Variants in SSBP2 observed in about 807,000 individuals in gnomAD.
The protein encoded by SSBP2 is single stranded DNA binding protein 2.
In SSBP2, 17 loss-of-function variants were observed where a neutral mutation model predicts 61.8. The observed-to-expected ratio is 0.28, with a 90% CI of 0.19 to 0.41. The LOEUF is 0.41. Ranked by LOEUF, SSBP2 falls within the 10% of genes least tolerant of loss-of-function variation. The pLI is 1.00. For synonymous variants in SSBP2, 139 were observed against 141.3 expected (o/e 0.98, Z 0.12); for missense variants, 310 against 458.7 (o/e 0.68, Z 2.96).
chr5:81,544,161 T>C (rs1390533369), intron 4 of SSBP2, among the ~76,000 whole-genome samples: 1 of 152,166 alleles, frequency 6.6e-6, no homozygotes, highest in East Asian at 1.9e-4. Flanking sequence ...GACATTCTCC[T>C]GCCTCAGCCT....
rs1761238050 is a variant in SSBP2, at chr5:81,414,570, T to C, written c.*5934A>G. ...AAGTTAATAATGCCAATTCAGTTTCTTGTAAACAAATGTCTGTATCAAACC... is the reference window on the plus strand; with the variant it reads ...AAGTTAATAATGCCAATTCAGTTTCCTGTAAACAAATGTCTGTATCAAACC... On this transcript the variant is annotated 3_prime_UTR_variant, in exon 17 of 17. Coordinates refer to ENST00000320672, the MANE Select transcript of SSBP2 (RefSeq NM_012446.5). 1 of 152,246 alleles carries C rather than the reference T, an allele frequency of 6.6e-6. No individual in the cohort carries two copies. Among genetic ancestry groups the C allele is most frequent in the African/African-American group, 2.4e-5 (1 of 41,464 alleles). The allele number at this position is 152,246 out of a possible 1,614,324, so 9.4% of individuals were successfully genotyped here.
rs1055589825 is a variant in SSBP2 at position 81,417,939 on chromosome 5, T to A, written c.*2565A>T. Reference sequence around the variant, plus strand: ...TTTAGGTTAGAAATAATGGGGATCATGATGCAATTCATATTCTCGTATTAC... The same window carrying A: ...TTTAGGTTAGAAATAATGGGGATCAAGATGCAATTCATATTCTCGTATTAC... On this transcript the variant is annotated 3_prime_UTR_variant, in exon 17 of 17. Coordinates refer to ENST00000320672, the MANE Select transcript of SSBP2 (RefSeq NM_012446.5). 1 of 152,046 alleles carries A rather than the reference T, an allele frequency of 6.6e-6. No homozygotes were observed. Among genetic ancestry groups the A allele is most frequent in the African/African-American group, 2.4e-5 (1 of 41,410 alleles). 9.4% of individuals were successfully genotyped at this position (152,046 alleles called of 1,614,324 possible).
At chr5:81,428,553 T>C (rs762871231) in intron 16 of SSBP2, 32 bp downstream of exon 16, 5 of 1,542,522 alleles carry the variant, frequency 3.2e-6, no homozygotes, top group African/African-American at 2.7e-5. Context: ...AGAAATAAAA[T>C]TTGAGTATAA....
At position 81,513,702 on chromosome 5, in the gene SSBP2, G is replaced by T; in HGVS notation, c.298C>A (p.Pro100Thr). 6.2e-7 allele frequency: 1 copy of T among 1,612,292 alleles called. No individual in the cohort carries two copies. The stretch of plus-strand genomic sequence containing the variant: ...GGAATGTTTCCTAGCACTGGACTGG[G>T]AGCTGCTGCAGCACTCTGCAAAGAA... The change falls in exon 5 of 17, where the codon CCC becomes ACC. Residue 100 changes from proline (P) to threonine (T), a missense_variant. This residue lies in a region of SSBP2 where 209 missense variants were observed against 286.4 expected (regional missense o/e 0.73). Coordinates refer to ENST00000320672, the MANE Select transcript of SSBP2 (RefSeq NM_012446.5).
chr5:81,539,995 T>G (rs1311835326), intron 4 of SSBP2, among the ~76,000 whole-genome samples: 7 of 152,150 alleles, frequency 4.6e-5, no homozygotes, highest in Non-Finnish European at 1.0e-4. Flanking sequence ...ATGCAGTGTT[T>G]GGTTTTCTTT....
intron 1 of SSBP2, among the ~76,000 whole-genome samples, chr5:81,710,299 T>C (rs930902048): frequency 1.3e-5 from 2 of 152,092 alleles, no homozygotes; most frequent in African/African-American, 4.8e-5. Context: ...GCAAAGGCAG[T>C]GTTTTCTGAT....
At chr5:81,444,016 T>C (rs1161655903) in intron 12 of SSBP2, among the ~76,000 whole-genome samples, 1 of 152,252 alleles carries the variant, frequency 6.6e-6, no homozygotes, top group African/African-American at 2.4e-5. Context: ...AATAAGTTTA[T>C]TATTTTAGTG....
In SSBP2 at chr5:81,751,044, C is replaced by G. The variant is rs778865989; in HGVS notation, c.-2G>C. On this transcript the variant is annotated 5_prime_UTR_variant, in exon 1 of 17. Coordinates refer to ENST00000320672, the MANE Select transcript of SSBP2 (RefSeq NM_012446.5). ...GTTACTCTTGCCTTTGCCGTACATG[C>G]TTGTGCCGAGAGCAGCTCCCACTGT... 17 of 1,593,292 alleles carry G rather than the reference C, an allele frequency of 1.1e-5. No individual in the cohort carries two copies. The highest frequency in any genetic ancestry group is 1.5e-5 in the Non-Finnish European group (17 of 1,169,992).
intron 1 of SSBP2, among the ~76,000 whole-genome samples, chr5:81,686,510 T>TA (rs1322732496): frequency 2.0e-5 from 3 of 151,990 alleles, no homozygotes; most frequent in African/African-American, 7.2e-5. Flanking sequence ...ATAGTGAATT[T>TA]AAAAAGCCAG....
At chr5:81,702,953 A>G (rs1446195777) in intron 1 of SSBP2, among the ~76,000 whole-genome samples, 1 of 152,180 alleles carries the variant, frequency 6.6e-6, no homozygotes, top group Non-Finnish European at 1.5e-5. Context: ...AACAACTGGG[A>G]ATAAGAGCAG....
intron 4 of SSBP2, among the ~76,000 whole-genome samples, chr5:81,563,873 A>T (rs946807237): frequency 6.6e-6 from 1 of 152,226 alleles, no homozygotes; most frequent in Non-Finnish European, 1.5e-5. Flanking sequence ...AGGCAACAAA[A>T]GCAAAAATAA....
rs142856417 is a variant in SSBP2 at position 81,687,077 on chromosome 5, A to G, written c.63-36738T>C. On this transcript the variant is annotated intron_variant, in intron 1 of 16. Coordinates refer to ENST00000320672, the MANE Select transcript of SSBP2 (RefSeq NM_012446.5). ...TAACAGTACCTGGTTTTAACTTCGG[A>G]TCACTGAAAGCAGCACTGAAGAGAG... 3.2e-3 allele frequency among the ~76,000 whole-genome samples: 481 copies of G among 152,286 alleles called. 4 individuals are homozygous for G. The highest frequency in any genetic ancestry group is 0.011 in the African/African-American group (459 of 41,578).
chr5:81,530,285 G>T (rs894205959), intron 4 of SSBP2, among the ~76,000 whole-genome samples: 1 of 151,954 alleles, frequency 6.6e-6, no homozygotes, highest in Non-Finnish European at 1.5e-5. Context: ...ACAAAGTAAG[G>T]TATCAATAAA....
At chr5:81,482,200 T>A (rs933065750) in intron 6 of SSBP2, among the ~76,000 whole-genome samples, 2 of 152,134 alleles carry the variant, frequency 1.3e-5, no homozygotes, top group African/African-American at 4.8e-5. Flanking sequence ...TGCCTCAGCC[T>A]CCCAGAGTGC....
chr5:81,517,450 CTT>C (rs1769126903), intron 4 of SSBP2, among the ~76,000 whole-genome samples: 1 of 146,694 alleles, frequency 6.8e-6, no homozygotes, highest in Admixed American at 6.9e-5. Context: ...ATTTTACTGA[CTT>C]TTTATAAATC....
At chr5:81,444,693 T>C (rs1763258294) in intron 12 of SSBP2, among the ~76,000 whole-genome samples, 1 of 152,202 alleles carries the variant, frequency 6.6e-6, no homozygotes, top group Non-Finnish European at 1.5e-5. Flanking sequence ...GTTTTTCAAC[T>C]GTATTGGCCT....
chr5:81,610,148 G>A (rs1482126442), intron 4 of SSBP2, among the ~76,000 whole-genome samples: 2 of 152,156 alleles, frequency 1.3e-5, no homozygotes, highest in Non-Finnish European at 2.9e-5. Context: ...GTGTGTAGGT[G>A]GGCCGAGTGG....
chr5:81,561,747 A>G lies in SSBP2; in HGVS notation c.283-48030T>C, dbSNP rs533067752. On this transcript the variant is annotated intron_variant, in intron 4 of 16. Coordinates refer to ENST00000320672, the MANE Select transcript of SSBP2 (RefSeq NM_012446.5). ...AGAGTAGAATTGCATCAAGATAGCA[A>G]TTGTATACTGTAAATGCCTCTCATC... Among the ~76,000 whole-genome samples, 3 of 152,278 alleles carry G rather than the reference A, an allele frequency of 2.0e-5. No individual in the cohort carries two copies. In the South Asian group the frequency reaches 6.2e-4, roughly 32 times the overall value.
At chr5:81,713,701 A>G (rs1158634856) in intron 1 of SSBP2, among the ~76,000 whole-genome samples, 1 of 152,180 alleles carries the variant, frequency 6.6e-6, no homozygotes, top group Non-Finnish European at 1.5e-5. Flanking sequence ...TTTAGAATGC[A>G]TCAGTGAACA....
Sources: allele counts gnomAD v4.1 joint callset (sites outside exome capture counted in the v4.1 genomes callset), GRCh38; gene constraint gnomAD v4.1.1; regional missense constraint gnomAD v4.1.1; transcripts MANE v1.5; gene names NCBI Gene and HGNC (gene_info 2026-07-23, HGNC 2026-07-21).